Variants in ACSM6 observed in about 807,000 individuals in gnomAD.
ACSM6 encodes acyl-coenzyme A synthetase ACSM6, mitochondrial.
A neutral mutation model predicts 51.1 loss-of-function variants in ACSM6; 35 were observed. The ratio of observed to expected loss-of-function variants is 0.69; its 90% CI spans 0.52 to 0.91. The LOEUF (loss-of-function observed/expected upper bound fraction) is 0.91, where lower values mean the gene tolerates loss of function less well. Among genes scored for constraint, ACSM6 ranks in the 40% least tolerant of loss-of-function variants. The pLI is 0.00. For synonymous variants in ACSM6, 172 were observed against 207.3 expected (o/e 0.83, Z 1.46); for missense variants, 509 against 584.1 (o/e 0.87, Z 1.32).
At chr10:95,196,512 T>C (rs1204591362) in intron 2 of ACSM6, among the ~76,000 whole-genome samples, 3 of 152,228 alleles carry the variant, frequency 2.0e-5, no homozygotes, top group Non-Finnish European at 4.4e-5. Context: ...CTGGTAAACA[T>C]GAAAAAATTT....
intron 2 of ACSM6, chr10:95,201,750 T>G: frequency 1.7e-6 from 1 of 573,184 alleles, no homozygotes; most frequent in South Asian, 1.9e-5. Context: ...CTGAGTTCTC[T>G]CAGGAGGTTC....
At chr10:95,208,933 TAAAAAAA>T (rs34370150) in intron 4 of ACSM6, among the ~76,000 whole-genome samples, 46 of 33,922 alleles carry the variant, frequency 1.4e-3, no homozygotes, top group East Asian at 7.9e-3. Context: ...CAGGGATGTT[TAAAAAAA>T]AAAAAAAAAA....
intron 4 of ACSM6, 28 bp from the exon 5 acceptor site, chr10:95,210,622 T>G: frequency 6.2e-7 from 1 of 1,602,954 alleles, no homozygotes; most frequent in Non-Finnish European, 8.5e-7. Context: ...AATTTAGATC[T>G]CACTGTTGCC....
chr10:95,200,708 G>GA (rs2034786356), intron 2 of ACSM6, among the ~76,000 whole-genome samples: 2 of 151,608 alleles, frequency 1.3e-5, no homozygotes, highest in Admixed American at 1.3e-4. Context: ...AAAGGCAAGA[G>GA]AAAGAGATAA....
exon 7 of ACSM6, chr10:95,212,898 C>G (rs1388077099): frequency 6.2e-7 from 1 of 1,613,844 alleles, no homozygotes; most frequent in African/African-American, 1.3e-5. Context: ...TCTGCAAATC[C>G]AGAGATGTAC....
chr10:95,213,041 C>A lies in ACSM6; in HGVS notation c.995+101C>A, dbSNP rs896625413. 6 of 917,094 alleles carry A rather than the reference C, an allele frequency of 6.5e-6. No homozygotes were observed. In the Admixed American group the frequency reaches 7.8e-5, roughly 12 times the overall value. 56.8% of individuals were successfully genotyped at this position (917,094 alleles called of 1,614,324 possible). ...TTGAAGTAGATCCAATCTTACCCTC[C>A]GGTAACACACTTGTCTTGTTGCCAT... On this transcript the variant is annotated intron_variant, in intron 7 of 10. Coordinates refer to ENST00000341686, the Ensembl canonical transcript of ACSM6.
chr10:95,200,567 A>G (rs545255349), intron 2 of ACSM6, among the ~76,000 whole-genome samples: 27 of 148,350 alleles, frequency 1.8e-4, no homozygotes, highest in African/African-American at 6.5e-4. Flanking sequence ...AAGAAGAGGA[A>G]GAGGAAGAAG....
chr10:95,219,784 T>C, intron 8 of ACSM6, 107 bp from the exon 9 acceptor site: 2 of 805,476 alleles, frequency 2.5e-6, no homozygotes, highest in African/African-American at 1.7e-5. Context: ...TTAGACTGTG[T>C]AATGTTGTTC....
In ACSM6 at chr10:95,207,197, G is replaced by A; in HGVS notation, c.404-11G>A. 1 of 1,613,368 alleles carries A rather than the reference G, an allele frequency of 6.2e-7. No individual in the cohort carries two copies. Among genetic ancestry groups the A allele is most frequent in the Non-Finnish European group, 8.5e-7 (1 of 1,179,648 alleles). ...GATAAAAATGAAGCCTTCTTTTGTG[G>A]TTTTTTTCAGGAATCACCTTTGTGC... is the stretch of plus-strand genomic sequence containing the variant. On this transcript the variant is annotated splice_polypyrimidine_tract_variant and intron_variant, in intron 3 of 10. Transcript: ENST00000341686.
intron 9 of ACSM6, 40 bp from the exon 10 acceptor site, chr10:95,225,250 G>C (rs2035027064): frequency 7.2e-7 from 1 of 1,394,242 alleles, no homozygotes; most frequent in Non-Finnish European, 1.0e-6. Context: ...AGCACAAGTG[G>C]TTTGTAAGGA....
exon 8 of ACSM6, chr10:95,214,881 T>C (rs2034928920): frequency 1.9e-6 from 3 of 1,551,626 alleles, no homozygotes; most frequent in Middle Eastern, 3.3e-4. Context: ...AAGCAGTGTG[T>C]GGCTGCAGGA....
chr10:95,194,282 A>G (rs965091573), exon 1 of ACSM6: 2 of 514,776 alleles, frequency 3.9e-6, no homozygotes, highest in African/African-American at 1.9e-5. Flanking sequence ...GAAGCCCCCC[A>G]TAGAAACTCC....
chr10:95,208,785 T>A (rs2034866484), intron 4 of ACSM6, among the ~76,000 whole-genome samples: 1 of 151,798 alleles, frequency 6.6e-6, no homozygotes, highest in East Asian at 1.9e-4. Flanking sequence ...AAGCATAGTG[T>A]ATATAGGGCT....
chr10:95,212,811 C>A, intron 6 of ACSM6, 47 bp from the exon 7 acceptor site: 1 of 1,449,432 alleles, frequency 6.9e-7, no homozygotes, highest in Non-Finnish European at 9.7e-7. Context: ...CTCACTGTCT[C>A]TCCCACCTCA....
intron 8 of ACSM6, 23 bp from the exon 9 acceptor site, chr10:95,219,868 C>G: frequency 1.3e-6 from 2 of 1,589,286 alleles, no homozygotes; most frequent in Non-Finnish European, 1.7e-6. Context: ...TAAAGAAAAA[C>G]TTGTCTGCAT....
intron 3 of ACSM6, among the ~76,000 whole-genome samples, chr10:95,204,889 A>C (rs1224506772): frequency 6.6e-6 from 1 of 152,170 alleles, no homozygotes; most frequent in Non-Finnish European, 1.5e-5. Context: ...AATCACTATA[A>C]TGTATAAGAA....
intron 5 of ACSM6, 72 bp from the exon 6 acceptor site, chr10:95,211,806 T>A (rs2034895834): frequency 1.4e-6 from 2 of 1,449,186 alleles, no homozygotes; most frequent in Non-Finnish European, 1.9e-6. Flanking sequence ...CAGGGCTTGA[T>A]AATAGCAAGT....
intron 4 of ACSM6, among the ~76,000 whole-genome samples, chr10:95,208,253 T>A (rs940823290): frequency 1.3e-5 from 2 of 152,184 alleles, no homozygotes; most frequent in Non-Finnish European, 2.9e-5. Flanking sequence ...TTCTCACTTA[T>A]AAGTGGGAAC....
chr10:95,214,929 G>C, exon 8 of ACSM6: 1 of 1,551,626 alleles, frequency 6.4e-7, no homozygotes, highest in Non-Finnish European at 8.7e-7. Flanking sequence ...GACTGGAAAC[G>C]CATCACTAAG....
Sources: gnomAD v4.1 joint callset for allele counts (sites outside exome capture counted in the v4.1 genomes callset) on GRCh38, gnomAD v4.1.1 for gene constraint, MANE v1.5 for transcripts, NCBI Gene and HGNC (gene_info 2026-07-23, HGNC 2026-07-21) for gene names.